Variants in ZBTB20 observed in about 807,000 individuals in gnomAD.
ZBTB20 encodes the protein zinc finger and BTB domain-containing protein 20.
In ZBTB20, 9 loss-of-function variants were observed where a neutral mutation model predicts 56.9. The ratio of observed to expected loss-of-function variants is 0.16; its 90% CI spans 0.10 to 0.28. The LOEUF (loss-of-function observed/expected upper bound fraction) is 0.28, where lower values mean the gene tolerates loss of function less well. ZBTB20 is among the 10% of genes least tolerant of loss of function. The pLI is 1.00. For synonymous variants in ZBTB20, 417 were observed against 420.7 expected, an observed-to-expected ratio of 0.99 and a Z score of 0.11; for missense variants, 655 against 1,003.0, an observed-to-expected ratio of 0.65 and a Z score of 4.69.
intron 4 of ZBTB20, among the ~76,000 whole-genome samples, chr3:114,889,484 T>A (rs1197286348): frequency 1.3e-5 from 2 of 152,154 alleles, no homozygotes; most frequent in East Asian, 3.9e-4. Flanking sequence ...ACTTTATAAG[T>A]TCAATAAGAT....
Position 114,339,914 on chromosome 3 carries a change from G to T in ZBTB20, c.1805-488C>A, listed in dbSNP as rs907241514. ...TGGTCACTATAGCTTGGTTCCTTGG[G>T]GTAAGTCCCCACTTCTAGTAGTCTA... On this transcript the variant is annotated intron_variant, in intron 11 of 11. Transcript: ENST00000675478. The surrounding 1 kb of genome is among the most constrained non-coding windows in gnomAD (Gnocchi z 4.2). Among the ~76,000 whole-genome samples the T allele has an allele frequency of 6.6e-6, 1 of 152,100 alleles. No homozygotes were observed. The highest frequency in any genetic ancestry group is 1.5e-5 in the Non-Finnish European group (1 of 68,008).
At chr3:114,606,804 A>G (rs1304667137) in intron 6 of ZBTB20, among the ~76,000 whole-genome samples, 10 of 152,128 alleles carry the variant, frequency 6.6e-5, no homozygotes. Context: ...TTTAAAAAAA[A>G]CATTTTTGCG....
At chr3:114,445,069 T>C (rs1442788829) in intron 7 of ZBTB20, among the ~76,000 whole-genome samples, 3 of 152,178 alleles carry the variant, frequency 2.0e-5, no homozygotes, top group Non-Finnish European at 4.4e-5. Flanking sequence ...ATTTGCTTTG[T>C]CAACGCTTAA....
chr3:114,878,433 A>G (rs1243964412), intron 4 of ZBTB20, among the ~76,000 whole-genome samples: 1 of 152,114 alleles, frequency 6.6e-6, no homozygotes, highest in East Asian at 1.9e-4. Flanking sequence ...TACTGGAGAG[A>G]TGATGGAAAA....
At chr3:114,616,548 T>C (rs2057958582) in intron 6 of ZBTB20, among the ~76,000 whole-genome samples, 1 of 152,202 alleles carries the variant, frequency 6.6e-6, no homozygotes, top group South Asian at 2.1e-4. Flanking sequence ...TGATAATCTC[T>C]GCAGGCTCCT....
intron 6 of ZBTB20, among the ~76,000 whole-genome samples, chr3:114,509,422 T>TGTGTG (rs1553735686): frequency 1.3e-5 from 2 of 149,982 alleles, no homozygotes; most frequent in African/African-American, 4.9e-5. Context: ...TGTGTGTGTG[T>TGTGTG]GTGGTGGTGG....
intron 4 of ZBTB20, among the ~76,000 whole-genome samples, chr3:114,833,432 T>C (rs1290580209): frequency 6.6e-6 from 1 of 152,192 alleles, no homozygotes; most frequent in Non-Finnish European, 1.5e-5. Flanking sequence ...ATAACTTATA[T>C]ACTATTTATT....
chr3:114,982,433 A>T (rs1011790327), intron 2 of ZBTB20, among the ~76,000 whole-genome samples: 1 of 152,112 alleles, frequency 6.6e-6, no homozygotes, highest in African/African-American at 2.4e-5. Flanking sequence ...AAAGACAGCA[A>T]CCAATTTGTA....
At chr3:114,833,700 T>C (rs1214388600) in intron 4 of ZBTB20, among the ~76,000 whole-genome samples, 33 of 14,908 alleles carry the variant, frequency 2.2e-3, no homozygotes, top group Non-Finnish European at 8.1e-3. Context: ...TAGCTAATTT[T>C]TTTTTTTTTT....
At chr3:114,867,583 A>C (rs2075819004) in intron 4 of ZBTB20, among the ~76,000 whole-genome samples, 1 of 151,946 alleles carries the variant, frequency 6.6e-6, no homozygotes, top group South Asian at 2.1e-4. Context: ...TTACAGACGC[A>C]CCCCACCACG....
chr3:115,074,735 T>C (rs976222542), intron 1 of ZBTB20, among the ~76,000 whole-genome samples: 1 of 152,150 alleles, frequency 6.6e-6, no homozygotes, highest in African/African-American at 2.4e-5. Context: ...GAGAGAGTTA[T>C]CAGACCATGA....
chr3:114,552,097 C>T (rs1157975625), intron 6 of ZBTB20, among the ~76,000 whole-genome samples: 1 of 152,132 alleles, frequency 6.6e-6, no homozygotes, highest in Non-Finnish European at 1.5e-5. Context: ...TGTCTATAAT[C>T]TCAGCTACTC....
At chr3:115,138,033 T>C (rs2084699807) in intron 1 of ZBTB20, among the ~76,000 whole-genome samples, 1 of 152,092 alleles carries the variant, frequency 6.6e-6, no homozygotes, top group South Asian at 2.1e-4. Context: ...CTGAAACAAA[T>C]GTTAAGGGCA....
chr3:114,693,607 G>A (rs1277259555), intron 5 of ZBTB20, 32 bp from the exon 6 acceptor site: 4 of 152,006 alleles, frequency 2.6e-5, no homozygotes, highest in Non-Finnish European at 5.9e-5. Context: ...TAAGTGCTAG[G>A]TATTTATTTT....
chr3:115,052,460 G>GA (rs902524742), intron 2 of ZBTB20, among the ~76,000 whole-genome samples: 80 of 142,848 alleles, frequency 5.6e-4, no homozygotes, highest in Admixed American at 6.3e-4. Context: ...CTTTCTCATG[G>GA]AAAAAAAAAA....
At chr3:114,951,020 C>T (rs2077048949) in intron 3 of ZBTB20, among the ~76,000 whole-genome samples, 1 of 151,902 alleles carries the variant, frequency 6.6e-6, no homozygotes, top group African/African-American at 2.4e-5. Context: ...AGTGGTTATC[C>T]TGAGGAAGTA....
chr3:115,100,155 A>G (rs1161063744), intron 1 of ZBTB20: 1 of 149,844 alleles, frequency 6.7e-6, no homozygotes, highest in Non-Finnish European at 1.5e-5. Context: ...TTTTTTTTTT[A>G]AGAAAGTTGT....
At chr3:114,686,948 T>TAAC (rs375580143) in intron 6 of ZBTB20, among the ~76,000 whole-genome samples, 1,545 of 151,978 alleles carry the variant, frequency 0.01, 27 homozygotes, top group African/African-American at 0.034. Context: ...ACAACAGCAA[T>TAAC]AACAACAACA....
At chr3:114,343,851 C>A (rs141409762) in intron 11 of ZBTB20, among the ~76,000 whole-genome samples, 1 of 152,134 alleles carries the variant, frequency 6.6e-6, no homozygotes, top group East Asian at 1.9e-4. Flanking sequence ...AGGCCGAGAC[C>A]GGCCTGACCA....
Sources: allele counts gnomAD v4.1 joint callset (sites outside exome capture counted in the v4.1 genomes callset), GRCh38; gene constraint gnomAD v4.1.1; non-coding constraint Gnocchi (gnomAD v3.1); transcripts MANE v1.5; gene names NCBI Gene and HGNC (gene_info 2026-07-23, HGNC 2026-07-21).